Variants in TAFA1 observed in about 807,000 individuals in gnomAD.
TAFA1 encodes the protein chemokine-like protein TAFA-1.
TAFA1 carries 4 observed loss-of-function variants against 18.5 expected under a neutral mutation model. The ratio of observed to expected loss-of-function variants is 0.22; its 90% confidence interval spans 0.11 to 0.49. The LOEUF (loss-of-function observed/expected upper bound fraction) is 0.49. TAFA1 is among the 20% of genes least tolerant of loss of function. The pLI, the probability that TAFA1 is intolerant of heterozygous loss-of-function variation, is 0.98. For missense variants in TAFA1, 147 were observed against 169.0 expected, an observed-to-expected ratio of 0.87 and a Z score of 0.72; for synonymous variants, 56 against 55.2, an observed-to-expected ratio of 1.01 and a Z score of -0.06.
intron 3 of TAFA1, among the ~76,000 whole-genome samples, chr3:68,440,781 A>G (rs1194294012): frequency 6.6e-6 from 1 of 152,124 alleles, no homozygotes; most frequent in Non-Finnish European, 1.5e-5. Context: ...CCTTACCTCC[A>G]TTGTGGAATA....
At chr3:68,166,107 T>C (rs2065979195) in intron 2 of TAFA1, among the ~76,000 whole-genome samples, 1 of 83,342 alleles carries the variant, frequency 1.2e-5, no homozygotes, top group South Asian at 5.5e-4. Context: ...TGAAAGAGCA[T>C]AGCACATTGC....
chr3:68,015,262 A>G (rs1704545962), intron 2 of TAFA1, among the ~76,000 whole-genome samples: 1 of 148,454 alleles, frequency 6.7e-6, no homozygotes, highest in Non-Finnish European at 1.5e-5. Context: ...GCTAAAAATC[A>G]ATTAATTTTC....
chr3:68,058,580 C>T (rs557459734), intron 2 of TAFA1, among the ~76,000 whole-genome samples: 2 of 152,214 alleles, frequency 1.3e-5, no homozygotes, highest in African/African-American at 2.4e-5. Flanking sequence ...CTGAGATTGA[C>T]TTCTCAGTTC....
intron 2 of TAFA1, among the ~76,000 whole-genome samples, chr3:68,362,526 A>G (rs560945735): frequency 2.6e-5 from 4 of 152,232 alleles, no homozygotes; most frequent in Non-Finnish European, 5.9e-5. Flanking sequence ...GATTTAATAC[A>G]TATCTATTGG....
intron 2 of TAFA1, among the ~76,000 whole-genome samples, chr3:68,118,795 C>T (rs1212989281): frequency 6.6e-6 from 1 of 152,206 alleles, no homozygotes; most frequent in East Asian, 1.9e-4. Flanking sequence ...ATTTGGGTCA[C>T]TTCCATCTGT....
At chr3:68,099,688 C>T (rs977120854) in intron 2 of TAFA1, among the ~76,000 whole-genome samples, 1 of 152,138 alleles carries the variant, frequency 6.6e-6, no homozygotes, top group Non-Finnish European at 1.5e-5. Flanking sequence ...GAAAAAGACA[C>T]ATGCACTTGT....
intron 2 of TAFA1, among the ~76,000 whole-genome samples, chr3:68,239,499 A>C (rs1198186519): frequency 6.6e-6 from 1 of 151,992 alleles, no homozygotes; most frequent in Non-Finnish European, 1.5e-5. Context: ...TATCCAGGAC[A>C]GGCACCTGAA....
At chr3:68,504,803 G>A (rs2072719310) in intron 3 of TAFA1, among the ~76,000 whole-genome samples, 1 of 151,994 alleles carries the variant, frequency 6.6e-6, no homozygotes, top group African/African-American at 2.4e-5. Flanking sequence ...AAAGTAGTGG[G>A]GCCAGGTTTC....
intron 2 of TAFA1, among the ~76,000 whole-genome samples, chr3:68,330,909 GTT>G (rs5849825): frequency 2.7e-5 from 4 of 150,768 alleles, no homozygotes; most frequent in Admixed American, 2.6e-4. Context: ...TTTCATATGT[GTT>G]TTTTTTTCAC....
chr3:68,056,001 C>T (rs2064532322), intron 2 of TAFA1, among the ~76,000 whole-genome samples: 1 of 152,122 alleles, frequency 6.6e-6, no homozygotes, highest in African/African-American at 2.4e-5. Flanking sequence ...CTGTCATTTT[C>T]TTCTTTCAGC....
Position 68,475,361 on chromosome 3 carries a change from C to T in TAFA1, c.259+57941C>T, listed in dbSNP as rs1401710101. Among the ~76,000 whole-genome samples, 5 of 151,674 alleles carry T rather than the reference C, an allele frequency of 3.3e-5. No homozygotes were observed. In the East Asian group the frequency reaches 9.7e-4, roughly 29 times the overall value. Reference sequence around the variant, plus strand: ...TGTGTGATGTTCCCCTTCCTGTCTCCATGTGTTCTCACTGTTCAATTCCCA... The same window carrying T: ...TGTGTGATGTTCCCCTTCCTGTCTCTATGTGTTCTCACTGTTCAATTCCCA... On this transcript the variant is annotated intron_variant, in intron 3 of 4. Coordinates refer to ENST00000478136, the MANE Select transcript of TAFA1 (RefSeq NM_213609.4).
chr3:68,252,352 A>G (rs544339106), intron 2 of TAFA1, among the ~76,000 whole-genome samples: 1 of 152,184 alleles, frequency 6.6e-6, no homozygotes, highest in African/African-American at 2.4e-5. Flanking sequence ...TCATTCTCTC[A>G]TGTCTCAAAC....
At position 68,068,490 on chromosome 3, in the gene TAFA1, A is replaced by G. The variant is rs376908943; in HGVS notation, c.118+61746A>G. 6.6e-5 allele frequency among the ~76,000 whole-genome samples: 10 copies of G among 152,296 alleles called. No individual in the cohort carries two copies. The South Asian group carries it at 1.4e-3, about 22-fold the overall frequency. ...ATGGCTTTAAGCTTTTAAATCTTTA[A>G]TCACCCTAATTCCTGTACTTGGGGT... On this transcript the variant is annotated intron_variant, in intron 2 of 4. Coordinates refer to ENST00000478136, the MANE Select transcript of TAFA1 (RefSeq NM_213609.4).
At chr3:68,502,339 TAGAACACAC>T (rs2072671823) in intron 3 of TAFA1, among the ~76,000 whole-genome samples, 1 of 152,046 alleles carries the variant, frequency 6.6e-6, no homozygotes, top group South Asian at 2.1e-4. Flanking sequence ...TCTTGTGCTT[TAGAACACAC>T]AGAAAAAAAA....
intron 2 of TAFA1, among the ~76,000 whole-genome samples, chr3:68,112,239 A>G (rs2065271407): frequency 6.6e-6 from 1 of 152,204 alleles, no homozygotes. Context: ...GTCCTGTCTA[A>G]CTCATGAGTG....
chr3:68,279,500 G>T (rs2067859021), intron 2 of TAFA1, among the ~76,000 whole-genome samples: 1 of 151,974 alleles, frequency 6.6e-6, no homozygotes, highest in Non-Finnish European at 1.5e-5. Flanking sequence ...GATGAATTAG[G>T]GACAGATTCT....
intron 2 of TAFA1, among the ~76,000 whole-genome samples, chr3:68,253,311 A>G (rs1237461469): frequency 6.6e-6 from 1 of 152,188 alleles, no homozygotes; most frequent in Non-Finnish European, 1.5e-5. Flanking sequence ...CATGCTTTTT[A>G]CAATCCCATC....
chr3:68,080,116 C>T (rs369206561), intron 2 of TAFA1, among the ~76,000 whole-genome samples: 44 of 152,126 alleles, frequency 2.9e-4, no homozygotes, highest in Admixed American at 5.9e-4. Context: ...GTCTGTTTTA[C>T]CAGAGACTAG....
chr3:68,006,824 A>C (rs919879230), intron 2 of TAFA1, 80 bp downstream of exon 2: 1 of 1,027,150 alleles, frequency 9.7e-7, no homozygotes, highest in Non-Finnish European at 1.5e-6. Context: ...TGCAAGTGAC[A>C]TAAAGTGCTA....
Sources: allele counts gnomAD v4.1 joint callset (sites outside exome capture counted in the v4.1 genomes callset), GRCh38; gene constraint gnomAD v4.1.1; transcripts MANE v1.5; gene names NCBI Gene and HGNC (gene_info 2026-07-23, HGNC 2026-07-21).